The following ATP11B variants were observed in gnomAD, a reference collection of about 807,000 sequenced individuals.
ATP11B encodes phospholipid-transporting ATPase IF.
ATP11B carries 81 observed loss-of-function variants against 157.8 expected under a neutral mutation model. The observed-to-expected ratio is 0.51, with a 90% CI of 0.43 to 0.62. The LOEUF (loss-of-function observed/expected upper bound fraction) is 0.62. Ranked by LOEUF, ATP11B falls within the 20% of genes least tolerant of loss-of-function variation. The pLI, the probability that ATP11B is intolerant of heterozygous loss-of-function variation, is 0.00. For missense variants in ATP11B, 1,165 were observed against 1,402.2 expected (o/e 0.83, Z 2.70); for synonymous variants, 451 against 469.4 (o/e 0.96, Z 0.51).
rs1313350044 is a variant in ATP11B at position 182,793,751 on chromosome 3, G to A, written c.-9G>A. The A allele has an allele frequency of 2.8e-6, 4 of 1,410,902 alleles. No homozygotes were observed. Among genetic ancestry groups the A allele is most frequent in the Non-Finnish European group, 3.7e-6 (4 of 1,076,984 alleles). 87.4% of individuals were successfully genotyped at this position (1,410,902 alleles called of 1,614,324 possible). A position where few individuals can be genotyped will look rare whatever the true frequency, so the allele number is the denominator to read the frequency against. On this transcript the variant is annotated 5_prime_UTR_variant, in exon 1 of 30. Transcript: ENST00000323116. ...CGCCCCGCGGGACCCGGACGGCGAC[G>A]ACGGGGGAATGTGGCGCTGGATCCG...
chr3:182,900,977 C>T (rs1577101316), intron 28 of ATP11B, among the ~76,000 whole-genome samples: 1 of 151,628 alleles, frequency 6.6e-6, no homozygotes, highest in Non-Finnish European at 1.5e-5. Flanking sequence ...GTCAGGAGAT[C>T]GAGACCATCC....
intron 2 of ATP11B, among the ~76,000 whole-genome samples, chr3:182,827,654 A>G (rs1030939868): frequency 2.0e-5 from 3 of 151,660 alleles, no homozygotes; most frequent in African/African-American, 7.3e-5. Context: ...ATTCTAGGTT[A>G]TTTCCTCATA....
chr3:182,798,429 T>C (rs1007328518), intron 1 of ATP11B, among the ~76,000 whole-genome samples: 1 of 152,202 alleles, frequency 6.6e-6, no homozygotes. Context: ...CCTAGGGTGG[T>C]ATTTTTTTTG....
intron 19 of ATP11B, among the ~76,000 whole-genome samples, chr3:182,876,003 C>T (rs571413483): frequency 1.1e-4 from 16 of 152,148 alleles, no homozygotes; most frequent in Non-Finnish European, 2.2e-4. Flanking sequence ...TCCCAACACC[C>T]TGGGAGGCTG....
intron 1 of ATP11B, among the ~76,000 whole-genome samples, chr3:182,814,873 G>T (rs573107197): frequency 4.2e-4 from 64 of 152,266 alleles, no homozygotes; most frequent in African/African-American, 1.4e-3. Context: ...TCAGTGTAAT[G>T]AAATCTATAC....
intron 25 of ATP11B, among the ~76,000 whole-genome samples, chr3:182,894,297 C>A (rs991798048): frequency 7.2e-5 from 11 of 152,196 alleles, no homozygotes; most frequent in African/African-American, 2.7e-4. Context: ...AGCAATTCTC[C>A]TGCCTCAGCC....
At chr3:182,877,012 T>C (rs1722090863) in intron 19 of ATP11B, among the ~76,000 whole-genome samples, 1 of 152,254 alleles carries the variant, frequency 6.6e-6, no homozygotes, top group Non-Finnish European at 1.5e-5. Context: ...AAGAATTTCA[T>C]GCCTTTGAAA....
At chr3:182,915,258 C>T in intron 29 of ATP11B, 1 of 985,272 alleles carries the variant, frequency 1.0e-6, no homozygotes, top group Non-Finnish European at 1.2e-6. Flanking sequence ...AACATAATGT[C>T]TGTGGTTTCA....
chr3:182,825,833 G>A (rs564535900), intron 2 of ATP11B, among the ~76,000 whole-genome samples: 1 of 152,118 alleles, frequency 6.6e-6, no homozygotes, highest in East Asian at 1.9e-4. Flanking sequence ...TCAGGAGGCG[G>A]AGGTTGCAGT....
chr3:182,799,443 ATT>A (rs1318117289), intron 1 of ATP11B, among the ~76,000 whole-genome samples: 8 of 151,426 alleles, frequency 5.3e-5, no homozygotes, highest in Non-Finnish European at 1.2e-4. Flanking sequence ...CGCCCAGCTA[ATT>A]TTTTGTATTT....
At chr3:182,914,740 T>C in intron 29 of ATP11B, 1 of 985,376 alleles carries the variant, frequency 1.0e-6, no homozygotes, top group Non-Finnish European at 1.2e-6. Flanking sequence ...GTAAACACCA[T>C]TTAAAATTCA....
chr3:182,910,995 C>T (rs1200852107), intron 28 of ATP11B, among the ~76,000 whole-genome samples: 1 of 152,140 alleles, frequency 6.6e-6, no homozygotes, highest in Non-Finnish European at 1.5e-5. Flanking sequence ...TATAAACATA[C>T]TTTGTCCAAC....
chr3:182,841,990 A>AC (rs1719073627), intron 7 of ATP11B, 85 bp from the exon 8 acceptor site: 2 of 875,782 alleles, frequency 2.3e-6, no homozygotes, highest in Admixed American at 2.5e-5. Flanking sequence ...AAAAAAAAAA[A>AC]AAAAAAACAA....
At chr3:182,819,181 A>C (rs1576966732) in intron 1 of ATP11B, among the ~76,000 whole-genome samples, 1 of 145,592 alleles carries the variant, frequency 6.9e-6, no homozygotes, top group Admixed American at 7.1e-5. Context: ...GGTTCCCGCC[A>C]TTCTCCTGCT....
intron 25 of ATP11B, among the ~76,000 whole-genome samples, chr3:182,895,159 C>CATGAAAGAG (rs1723457942): frequency 6.7e-6 from 1 of 149,934 alleles, no homozygotes; most frequent in Admixed American, 6.7e-5. Flanking sequence ...TGTCCATACC[C>CATGAAAGAG]ATGAAAGAGG....
chr3:182,830,497 A>T (rs1463450357), intron 4 of ATP11B, among the ~76,000 whole-genome samples: 1 of 152,200 alleles, frequency 6.6e-6, no homozygotes, highest in Non-Finnish European at 1.5e-5. Flanking sequence ...ATAAGAAGGA[A>T]ATTCATAGAA....
chr3:182,910,836 A>G (rs948457610), intron 28 of ATP11B, among the ~76,000 whole-genome samples: 2 of 152,166 alleles, frequency 1.3e-5, no homozygotes, highest in Non-Finnish European at 2.9e-5. Flanking sequence ...GTGGTGAAGG[A>G]CCAGTTTGTT....
chr3:182,836,428 T>C lies in ATP11B; in HGVS notation c.510T>C (p.Cys170=). 1 of 1,613,988 alleles carries C rather than the reference T, an allele frequency of 6.2e-7. No homozygotes were observed. The highest frequency in any genetic ancestry group is 8.5e-7 in the Non-Finnish European group (1 of 1,179,878). The change falls in exon 6 of 30, where the codon TGT becomes TGC. Residue 170 remains cysteine (C), a synonymous_variant. Coordinates refer to ENST00000323116, the MANE Select transcript of ATP11B (RefSeq NM_014616.3). Reference sequence around the variant, plus strand: ...CCTCAGATCGACTGGATGGTTCCTGTCACGTTACAACTGCTAGTTTGGACG... The same window carrying C: ...CCTCAGATCGACTGGATGGTTCCTGCCACGTTACAACTGCTAGTTTGGACG... ...LLSSDRLDGS[C]HVTTASLDGE...
intron 1 of ATP11B, among the ~76,000 whole-genome samples, chr3:182,804,335 T>C (rs953830396): frequency 2.0e-5 from 3 of 151,810 alleles, no homozygotes; most frequent in African/African-American, 7.3e-5. Flanking sequence ...AAGCTCTGCC[T>C]CCAGGGTTCA....
Sources: allele counts gnomAD v4.1 joint callset (sites outside exome capture counted in the v4.1 genomes callset), GRCh38; gene constraint gnomAD v4.1.1; transcripts MANE v1.5; gene names NCBI Gene and HGNC (gene_info 2026-07-23, HGNC 2026-07-21).